Variants in SSBP3 observed in about 807,000 individuals in gnomAD.
The protein encoded by SSBP3 is single-stranded DNA-binding protein 3.
A neutral mutation model predicts 69.6 loss-of-function variants in SSBP3; 5 were observed. The observed-to-expected ratio is 0.07, with a 90% confidence interval of 0.04 to 0.15. The LOEUF (loss-of-function observed/expected upper bound fraction) is 0.15. Ranked by LOEUF, SSBP3 falls within the 10% of genes least tolerant of loss-of-function variation. The pLI, the probability that SSBP3 is intolerant of heterozygous loss-of-function variation, is 1.00. For synonymous variants in SSBP3, 196 were observed against 193.4 expected, an observed-to-expected ratio of 1.01 and a Z score of -0.11; for missense variants, 312 against 534.0, an observed-to-expected ratio of 0.58 and a Z score of 4.10.
At chr1:54,282,076 A>T (rs1569597284) in intron 4 of SSBP3, among the ~76,000 whole-genome samples, 1 of 151,706 alleles carries the variant, frequency 6.6e-6, no homozygotes, top group African/African-American at 2.4e-5. Flanking sequence ...AATAATAAAA[A>T]AATGGGGGGA....
chr1:54,407,071 C>T (rs1236620980), upstream of SSBP3, among the ~76,000 whole-genome samples: 1 of 152,034 alleles, frequency 6.6e-6, no homozygotes, highest in African/African-American at 2.4e-5. Context: ...CGCGGCTGCT[C>T]CTTTACTAGA....
intron 4 of SSBP3, among the ~76,000 whole-genome samples, chr1:54,351,091 T>C (rs912993088): frequency 3.3e-4 from 50 of 152,328 alleles, no homozygotes; most frequent in African/African-American, 1.2e-3. Context: ...CCTCCCAAAG[T>C]GCTGGCATAA....
intron 4 of SSBP3, among the ~76,000 whole-genome samples, chr1:54,351,015 T>TG (rs1244890856): frequency 6.6e-6 from 1 of 151,968 alleles, no homozygotes; most frequent in Non-Finnish European, 1.5e-5. Flanking sequence ...TTTGTAGAGA[T>TG]GGGGGTCTCG....
chr1:54,384,990 G>A (rs975506301), intron 4 of SSBP3, among the ~76,000 whole-genome samples: 1 of 152,170 alleles, frequency 6.6e-6, no homozygotes, highest in African/African-American at 2.4e-5. Context: ...CCAGCTGCCT[G>A]TCCACGTCTC....
intron 4 of SSBP3, among the ~76,000 whole-genome samples, chr1:54,377,123 T>C (rs148759549): frequency 8.5e-5 from 13 of 152,282 alleles, no homozygotes; most frequent in Admixed American, 3.9e-4. Flanking sequence ...GCAAAGACAC[T>C]ACGGTTAAAG....
chr1:54,256,840 G>A (rs1248007907), intron 7 of SSBP3, among the ~76,000 whole-genome samples: 1 of 152,206 alleles, frequency 6.6e-6, no homozygotes, highest in South Asian at 2.1e-4. Context: ...CTCTAGAATA[G>A]CCGAAACCCT....
At chr1:54,232,717 C>T (rs973695172) in intron 14 of SSBP3, among the ~76,000 whole-genome samples, 12 of 149,064 alleles carry the variant, frequency 8.1e-5, no homozygotes, top group East Asian at 2.1e-4. Flanking sequence ...CTCAGCCTGC[C>T]GAGTGCCTGC....
intron 4 of SSBP3, among the ~76,000 whole-genome samples, chr1:54,347,225 C>T (rs958751025): frequency 2.0e-5 from 3 of 152,196 alleles, no homozygotes; most frequent in African/African-American, 7.2e-5. Flanking sequence ...ACCTTGGCCT[C>T]CCAAAGTACT....
intron 4 of SSBP3, among the ~76,000 whole-genome samples, chr1:54,348,246 G>GT (rs1646721633): frequency 9.5e-6 from 1 of 105,738 alleles, no homozygotes; most frequent in Non-Finnish European, 2.0e-5. Flanking sequence ...GGCATGGGGG[G>GT]CGGGGGGGGG....
chr1:54,242,231 G>A lies in SSBP3; in HGVS notation c.717-19C>T, dbSNP rs770045004. 3 of 1,613,776 alleles carry A rather than the reference G, an allele frequency of 1.9e-6. No individual in the cohort carries two copies. Among genetic ancestry groups the A allele is most frequent in the Non-Finnish European group, 2.5e-6 (3 of 1,179,900 alleles). On this transcript the variant is annotated intron_variant, in intron 10 of 17. Transcript: ENST00000610401. ...CGGGCCCCTGAGAGAGGGAGAAAGA[G>A]ATGTGGACAATGAAAAAGGCGCTGT...
At chr1:54,289,452 A>G (rs1458444367) in intron 4 of SSBP3, among the ~76,000 whole-genome samples, 1 of 152,072 alleles carries the variant, frequency 6.6e-6, no homozygotes, top group East Asian at 1.9e-4. Context: ...GCATCAGCAA[A>G]CACTCGCTTC....
At chr1:54,340,621 C>T (rs574439634) in intron 4 of SSBP3, among the ~76,000 whole-genome samples, 1 of 152,342 alleles carries the variant, frequency 6.6e-6, no homozygotes, top group East Asian at 1.9e-4. Context: ...AATTTTGCTT[C>T]ATCACCCTCG....
At chr1:54,228,476 C>T in exon 16 of SSBP3, 2 of 1,614,198 alleles carry the variant, frequency 1.2e-6, no homozygotes, top group Non-Finnish European at 1.7e-6. Flanking sequence ...TGTCGCCTGA[C>T]CCTGGAAAGA....
chr1:54,383,004 AGAG>A (rs1647788858), intron 4 of SSBP3, among the ~76,000 whole-genome samples: 1 of 149,008 alleles, frequency 6.7e-6, no homozygotes, highest in South Asian at 2.1e-4. Flanking sequence ...AAAAAAAAGA[AGAG>A]AGAGAGAGAA....
rs528028447 is a variant in SSBP3 at position 54,347,370 on chromosome 1, T to A, written c.276+54491A>T. 3.7e-3 allele frequency among the ~76,000 whole-genome samples: 522 copies of A among 140,372 alleles called. 5 individuals carry two copies. The highest frequency in any genetic ancestry group is 0.012 in the African/African-American group (465 of 38,438). The allele number at this position is 140,372 out of a possible 152,430, so 92.1% of individuals were successfully genotyped here. On this transcript the variant is annotated intron_variant, in intron 4 of 17. Transcript: ENST00000610401. ...GCTGTTTTTTAATTTGTCCCCTTTTTAAAAAAAAAAAAAAAAGATGGGGTC... is the reference window on the plus strand; with the variant it reads ...GCTGTTTTTTAATTTGTCCCCTTTTAAAAAAAAAAAAAAAAAGATGGGGTC...
chr1:54,248,249 A>G (rs753571281), intron 9 of SSBP3, among the ~76,000 whole-genome samples: 1 of 152,144 alleles, frequency 6.6e-6, no homozygotes, highest in Non-Finnish European at 1.5e-5. Flanking sequence ...TGCTTACTTT[A>G]TGCTGAAGGG....
At chr1:54,358,118 T>C (rs1052245139) in intron 4 of SSBP3, among the ~76,000 whole-genome samples, 1 of 152,238 alleles carries the variant, frequency 6.6e-6, no homozygotes, top group Non-Finnish European at 1.5e-5. Flanking sequence ...GCTTTTTCCA[T>C]TTTAACCCAC....
chr1:54,406,061 T>TGGTCTACTTGGAGCTCA (rs1649736000), exon 1 of SSBP3: 1 of 631,268 alleles, frequency 1.6e-6, no homozygotes, highest in African/African-American at 2.1e-5. Context: ...CCGCCGCCGC[T>TGGTCTACTTGGAGCTCA]ACCGCTCCGG....
chr1:54,259,316 G>A (rs1434703455), intron 5 of SSBP3, among the ~76,000 whole-genome samples: 2 of 152,188 alleles, frequency 1.3e-5, no homozygotes, highest in African/African-American at 4.8e-5. Context: ...AGAGCTTTGT[G>A]TATTTTAAGG....
Sources: allele counts gnomAD v4.1 joint callset (sites outside exome capture counted in the v4.1 genomes callset), GRCh38; gene constraint gnomAD v4.1.1; transcripts MANE v1.5; gene names NCBI Gene and HGNC (gene_info 2026-07-23, HGNC 2026-07-21).